XRRA1: variants seen among roughly 807,000 people sequenced by gnomAD.
XRRA1 encodes the protein X-ray radiation resistance associated 1.
XRRA1 carries 69 observed loss-of-function variants against 80.2 expected under a neutral mutation model. The observed-to-expected ratio is 0.86, with a 90% CI of 0.71 to 1.05. The LOEUF is 1.05. Ranked by LOEUF, XRRA1 falls within the 50% of genes least tolerant of loss-of-function variation. The probability of loss-of-function intolerance (pLI) is 0.00; values close to 1 mark genes in which losing one functional copy is unlikely to be tolerated. For synonymous variants in XRRA1, 348 were observed against 389.9 expected, an observed-to-expected ratio of 0.89 and a Z score of 1.27; for missense variants, 967 against 976.4, an observed-to-expected ratio of 0.99 and a Z score of 0.13.
chr11:74,930,260 T>G, intron 6 of XRRA1, 40 bp downstream of exon 6: 1 of 1,477,344 alleles, frequency 6.8e-7, no homozygotes, highest in Non-Finnish European at 9.3e-7. Flanking sequence ...CTGTGCTGGC[T>G]AAGAGGAGGA....
intron 10 of XRRA1, among the ~76,000 whole-genome samples, chr11:74,868,224 T>C (rs181994518): frequency 1.3e-5 from 2 of 152,308 alleles, no homozygotes; most frequent in African/African-American, 4.8e-5. Context: ...GGGCTCAACA[T>C]TCTTAAAGAA....
chr11:74,927,594 G>A, intron 6 of XRRA1, 106 bp from the exon 7 acceptor site: 1 of 704,974 alleles, frequency 1.4e-6, no homozygotes, highest in Non-Finnish European at 2.4e-6. Context: ...GCCAGGCACT[G>A]TATAAGGTAC....
intron 15 of XRRA1, among the ~76,000 whole-genome samples, chr11:74,847,091 A>G (rs1383834257): frequency 6.6e-6 from 1 of 151,890 alleles, no homozygotes; most frequent in Non-Finnish European, 1.5e-5. Flanking sequence ...TCCTGTCCGT[A>G]TTTTCTTTTC....
At chr11:74,880,155 T>G (rs902874149) in intron 10 of XRRA1, among the ~76,000 whole-genome samples, 1 of 152,192 alleles carries the variant, frequency 6.6e-6, no homozygotes, top group Non-Finnish European at 1.5e-5. Context: ...CTGTTATTGG[T>G]CTATTCAGAG....
chr11:74,940,953 G>A (rs1946220867), intron 2 of XRRA1, 71 bp from the exon 3 acceptor site: 5 of 1,199,408 alleles, frequency 4.2e-6, no homozygotes, highest in Non-Finnish European at 6.0e-6. Flanking sequence ...TTACTCCAGT[G>A]CAGCTCATGA....
At chr11:74,902,697 T>G (rs1238022948) in intron 10 of XRRA1, among the ~76,000 whole-genome samples, 1 of 152,156 alleles carries the variant, frequency 6.6e-6, no homozygotes, top group African/African-American at 2.4e-5. Context: ...TTCTCACTTA[T>G]TTGTGGGATC....
intron 15 of XRRA1, 54 bp downstream of exon 15, chr11:74,848,061 C>A: frequency 6.6e-7 from 1 of 1,516,226 alleles, no homozygotes. Flanking sequence ...AAGGGCTGCA[C>A]AGGAACCTGT....
At chr11:74,873,457 G>A (rs112965383) in intron 10 of XRRA1, among the ~76,000 whole-genome samples, 1,639 of 152,228 alleles carry the variant, frequency 0.011, 34 homozygotes, top group African/African-American at 0.035. Context: ...TCTATATAGC[G>A]TTACATCCTG....
chr11:74,843,494 G>C, intron 18 of XRRA1, 41 bp from the exon 19 acceptor site: 1 of 1,590,852 alleles, frequency 6.3e-7, no homozygotes, highest in South Asian at 1.1e-5. Context: ...AGCTCATCCT[G>C]GTTCTCACCT....
chr11:74,935,400 C>T (rs1239724186), intron 4 of XRRA1, among the ~76,000 whole-genome samples: 3 of 152,150 alleles, frequency 2.0e-5, no homozygotes, highest in Non-Finnish European at 4.4e-5. Context: ...ATGCCTCTGG[C>T]TTATTTTTAT....
Position 74,843,348 on chromosome 11 carries a change from A to T in XRRA1, c.2255T>A (p.Val752Glu). The T allele has an allele frequency of 6.2e-7, 1 of 1,610,410 alleles. No individual in the cohort carries two copies. Among genetic ancestry groups the T allele is most frequent in the Non-Finnish European group, 8.5e-7 (1 of 1,178,446 alleles). The change falls in exon 19 of 19, where the codon GTG (valine) becomes GAG (glutamate). Residue 752 changes from valine to glutamate, a missense_variant. By Grantham distance (121) the Val-to-Glu change is moderately radical. Coordinates refer to ENST00000684022, the MANE Select transcript of XRRA1 (RefSeq NM_001378157.1). ...KEFQARYRQL[V>E]SGSLRTVFGT... The stretch of plus-strand genomic sequence containing the variant: ...GAACACTGTGCGCAGAGAGCCACTC[A>T]CCAGCTGCCGGTAACGTGCCTGGAA...
chr11:74,883,073 A>G (rs2048088655), intron 10 of XRRA1, among the ~76,000 whole-genome samples: 1 of 152,156 alleles, frequency 6.6e-6, no homozygotes, highest in African/African-American at 2.4e-5. Flanking sequence ...TGTTTACCTA[A>G]TCAAGCCTGG....
chr11:74,867,477 CAG>C (rs1436084979), intron 10 of XRRA1, among the ~76,000 whole-genome samples: 4 of 152,098 alleles, frequency 2.6e-5, no homozygotes, highest in Non-Finnish European at 4.4e-5. Flanking sequence ...AGGAAAGACT[CAG>C]AGCTGAAAGA....
intron 10 of XRRA1, among the ~76,000 whole-genome samples, chr11:74,867,496 C>A (rs910512361): frequency 6.6e-6 from 1 of 152,080 alleles, no homozygotes; most frequent in Non-Finnish European, 1.5e-5. Flanking sequence ...AAGACTGGCT[C>A]TTCAAAATAA....
chr11:74,930,352 C>G lies in XRRA1; in HGVS notation c.372G>C (p.Lys124Asn). 6.4e-7 allele frequency: 1 copy of G among 1,563,716 alleles called. No homozygotes were observed. The highest frequency in any genetic ancestry group is 1.4e-5 in the African/African-American group (1 of 73,598). Reference protein sequence around the residue: ...KFSKAKENDFKHFHSVIYINA... With the variant: ...KFSKAKENDFNHFHSVIYINA... ...TGATATAAATCACAGAATGAAAATG[C>G]TTGAAGTCATTTTCCTTGGCCTGTA... Residue 124 changes from lysine to asparagine, a missense_variant, in exon 6 of 19, where the codon AAG (lysine) becomes AAC (asparagine). Physicochemically the swap from Lys to Asn is moderately conservative, Grantham distance 94. Transcript: ENST00000684022.
chr11:74,877,834 T>C (rs1368874561), intron 10 of XRRA1, among the ~76,000 whole-genome samples: 1 of 152,220 alleles, frequency 6.6e-6, no homozygotes, highest in Non-Finnish European at 1.5e-5. Context: ...GGTGTTTATG[T>C]GCCACATTTT....
chr11:74,878,320 T>C (rs1381045956), intron 10 of XRRA1, among the ~76,000 whole-genome samples: 4 of 151,830 alleles, frequency 2.6e-5, no homozygotes, highest in African/African-American at 4.8e-5. Context: ...GTTTGTTTTT[T>C]TCTTGTAAAT....
At chr11:74,924,804 C>G (rs1261933033) in intron 7 of XRRA1, among the ~76,000 whole-genome samples, 1 of 152,138 alleles carries the variant, frequency 6.6e-6, no homozygotes, top group African/African-American at 2.4e-5. Context: ...CTTACTCCTG[C>G]CTGGGTGACA....
At chr11:74,893,717 T>C (rs903205744) in intron 10 of XRRA1, among the ~76,000 whole-genome samples, 1 of 152,020 alleles carries the variant, frequency 6.6e-6, no homozygotes, top group African/African-American at 2.4e-5. Flanking sequence ...CCAGTCAGAA[T>C]TACTATTATG....
Sources: allele counts gnomAD v4.1 joint callset (sites outside exome capture counted in the v4.1 genomes callset), GRCh38; gene constraint gnomAD v4.1.1; transcripts MANE v1.5; gene names NCBI Gene and HGNC (gene_info 2026-07-23, HGNC 2026-07-21).